RAPGEF2: variants seen among roughly 807,000 people sequenced by gnomAD.
The protein encoded by RAPGEF2 is Rap guanine nucleotide exchange factor 2, also known as PDZ domain containing guanine nucleotide exchange factor (GEF) 1.
In RAPGEF2, 54 loss-of-function variants were observed where a neutral mutation model predicts 186.7. The observed-to-expected ratio is 0.29, with a 90% CI of 0.23 to 0.36. RAPGEF2 has a LOEUF of 0.36. RAPGEF2 is among the 10% of genes least tolerant of loss of function. The pLI is 1.00. For synonymous variants in RAPGEF2, 712 were observed against 705.9 expected (o/e 1.01, Z -0.14); for missense variants, 1,532 against 2,045.0 (o/e 0.75, Z 4.84).
rs763172475 is a variant in RAPGEF2 at position 159,267,217 on chromosome 4, G to A, written c.543+23426G>A. The A allele has an allele frequency of 8.5e-6, 11 of 1,288,992 alleles. No individual in the cohort carries two copies. The South Asian group carries it at 1.2e-4, about 14-fold the overall frequency. 79.8% of individuals were successfully genotyped at this position (1,288,992 alleles called of 1,614,324 possible). On this transcript the variant is annotated intron_variant, in intron 7 of 29. Coordinates refer to ENST00000691494, the MANE Select transcript of RAPGEF2 (RefSeq NM_001394067.2). ...AGCAATGCCGTTTGTTTCCTAAGAG[G>A]AATTTTTTATTTAGAAAAGGAAGCT...
At chr4:159,317,973 T>C (rs1374303284) in intron 9 of RAPGEF2, among the ~76,000 whole-genome samples, 1 of 152,110 alleles carries the variant, frequency 6.6e-6, no homozygotes, top group Non-Finnish European at 1.5e-5. Context: ...AGACTTTCAG[T>C]TGATAGCTGA....
In RAPGEF2 at chr4:159,210,721, A is replaced by G. The variant is rs141734553; in HGVS notation, c.281+138A>G. On this transcript the variant is annotated intron_variant, in intron 4 of 29. Transcript: ENST00000691494. Reference sequence around the variant, plus strand: ...AGACAGTACTTTGGGGTGTTGATGCATGAATCTTTAAGAAATAACTTTGTT... The same window carrying G: ...AGACAGTACTTTGGGGTGTTGATGCGTGAATCTTTAAGAAATAACTTTGTT... 4.7e-3 allele frequency: 2,779 copies of G among 596,544 alleles called. 62 individuals carry two copies. In the African/African-American group the frequency reaches 0.047, roughly 10 times the overall value. The allele number at this position is 596,544 out of a possible 1,614,324, so 37.0% of individuals were successfully genotyped here.
intron 4 of RAPGEF2, among the ~76,000 whole-genome samples, chr4:159,231,679 A>T (rs1324222827): frequency 6.6e-6 from 1 of 152,134 alleles, no homozygotes; most frequent in African/African-American, 2.4e-5. Flanking sequence ...AAAACTTGAA[A>T]TTTTTTGAGC....
intron 1 of RAPGEF2, among the ~76,000 whole-genome samples, chr4:159,177,487 C>T (rs911873199): frequency 6.6e-6 from 1 of 152,160 alleles, no homozygotes; most frequent in Admixed American, 6.5e-5. Flanking sequence ...AATATGGTCT[C>T]ACTAACAAAC....
intron 17 of RAPGEF2, 102 bp from the exon 18 acceptor site, chr4:159,338,209 A>C (rs1767742439): frequency 9.6e-6 from 7 of 729,994 alleles, no homozygotes; most frequent in South Asian, 7.7e-5. Flanking sequence ...CATGAGCTGC[A>C]AAAAAAAAAT....
intron 5 of RAPGEF2, 109 bp downstream of exon 5, chr4:159,238,993 T>A: frequency 3.4e-5 from 18 of 533,374 alleles, no homozygotes; most frequent in Non-Finnish European, 5.1e-5. Context: ...GAAAATATTG[T>A]ATATTTTCTA....
At chr4:159,221,337 A>T (rs1202451379) in intron 4 of RAPGEF2, among the ~76,000 whole-genome samples, 1 of 152,220 alleles carries the variant, frequency 6.6e-6, no homozygotes, top group East Asian at 1.9e-4. Context: ...ATGGCTGCCA[A>T]ACCCCAGCCA....
At chr4:159,343,962 T>G in intron 22 of RAPGEF2, 74 bp from the exon 23 acceptor site, 1 of 1,475,872 alleles carries the variant, frequency 6.8e-7, no homozygotes, top group South Asian at 1.1e-5. Flanking sequence ...GTCTAGTCCT[T>G]TCTTTCTGAG....
chr4:159,207,938 G>A (rs1750145011), intron 3 of RAPGEF2, among the ~76,000 whole-genome samples: 1 of 152,148 alleles, frequency 6.6e-6, no homozygotes, highest in Non-Finnish European at 1.5e-5. Context: ...AATGATTGCT[G>A]GTTGCAAGAG....
chr4:159,213,094 C>T (rs899574421), intron 4 of RAPGEF2, among the ~76,000 whole-genome samples: 5 of 152,158 alleles, frequency 3.3e-5, no homozygotes, highest in African/African-American at 7.2e-5. Context: ...GCGGTTCCGA[C>T]GGAATGACAA....
Position 159,324,307 on chromosome 4 carries a change from C to T in RAPGEF2, c.1149+690C>T, listed in dbSNP as rs188902041. ...CCTCCCAAAGTGCTGGGATTACAGG[C>T]GTGAGCCACCATGCCTGGCACCAAT... is the stretch of plus-strand genomic sequence containing the variant. On this transcript the variant is annotated intron_variant, in intron 11 of 29. Transcript: ENST00000691494. Among the ~76,000 whole-genome samples, 473 of 152,144 alleles carry T rather than the reference C, an allele frequency of 3.1e-3. 1 individual carries two copies. The highest frequency in any genetic ancestry group is 0.011 in the African/African-American group (441 of 41,516).
chr4:159,129,534 A>G (rs1242735673), intron 1 of RAPGEF2, among the ~76,000 whole-genome samples: 1 of 152,244 alleles, frequency 6.6e-6, no homozygotes, highest in Non-Finnish European at 1.5e-5. Context: ...CATCAACCTT[A>G]TAAAGCATGA....
chr4:159,144,428 T>C (rs966141370), intron 1 of RAPGEF2, among the ~76,000 whole-genome samples: 4 of 152,238 alleles, frequency 2.6e-5, no homozygotes, highest in African/African-American at 7.2e-5. Flanking sequence ...TCCTGTCCTT[T>C]CTGTGGTATT....
At chr4:159,125,742 A>T (rs1740223720) in intron 1 of RAPGEF2, among the ~76,000 whole-genome samples, 1 of 148,616 alleles carries the variant, frequency 6.7e-6, no homozygotes, top group Non-Finnish European at 1.5e-5. Context: ...TGGGCGACAG[A>T]GTGAGAATCT....
intron 1 of RAPGEF2, among the ~76,000 whole-genome samples, chr4:159,122,502 A>G (rs1386872290): frequency 6.6e-6 from 1 of 152,172 alleles, no homozygotes; most frequent in African/African-American, 2.4e-5. Flanking sequence ...GTTAAAATTT[A>G]TCAAAACTTA....
Position 159,171,841 on chromosome 4 carries a change from G to A in RAPGEF2, c.70-14801G>A, listed in dbSNP as rs190309364. Among the ~76,000 whole-genome samples, 331 of 152,228 alleles carry A rather than the reference G, an allele frequency of 2.2e-3. 2 individuals carry two copies. Among genetic ancestry groups the A allele is most frequent in the African/African-American group, 7.4e-3 (306 of 41,542 alleles). On this transcript the variant is annotated intron_variant, in intron 1 of 29. Transcript: ENST00000691494. ...CACTCAGTAAGATTGCTTTAGGTAG[G>A]TGTCAGAGACAAGTGTCCCAAGTTT...
Position 159,352,780 on chromosome 4 carries a change from T to C in RAPGEF2, c.3961T>C (p.Phe1321Leu), listed in dbSNP as rs750983873. 4 of 1,614,196 alleles carry C rather than the reference T, an allele frequency of 2.5e-6. No individual in the cohort carries two copies. The highest frequency in any genetic ancestry group is 3.4e-6 in the Non-Finnish European group (4 of 1,180,030). ...SRSSIVSNSSFDSVPVSLHDE... is the reference protein window; with the variant it reads ...SRSSIVSNSSLDSVPVSLHDE... ...ATCCAGTATTGTTAGCAATTCGTCTTTTGACTCAGTGCCAGTCTCACTGCA... is the reference window on the plus strand; with the variant it reads ...ATCCAGTATTGTTAGCAATTCGTCTCTTGACTCAGTGCCAGTCTCACTGCA... Residue 1321 changes from phenylalanine to leucine, a missense_variant, in exon 27 of 30, where the codon TTT (phenylalanine) becomes CTT (leucine). Physicochemically the swap from Phe to Leu is conservative, Grantham distance 22. Transcript: ENST00000691494.
intron 7 of RAPGEF2, among the ~76,000 whole-genome samples, chr4:159,278,440 A>G (rs930872086): frequency 5.9e-5 from 9 of 152,212 alleles, no homozygotes; most frequent in African/African-American, 2.2e-4. Context: ...GTACTGAAAT[A>G]TATTGAAATA....
intron 7 of RAPGEF2, among the ~76,000 whole-genome samples, chr4:159,299,025 G>A (rs773870293): frequency 2.7e-4 from 41 of 152,072 alleles, no homozygotes; most frequent in Non-Finnish European, 4.4e-4. Flanking sequence ...ATATGTCTAG[G>A]AATATACTTA....
Sources: gnomAD v4.1 joint callset for allele counts (sites outside exome capture counted in the v4.1 genomes callset) on GRCh38, gnomAD v4.1.1 for gene constraint, MANE v1.5 for transcripts, NCBI Gene and HGNC (gene_info 2026-07-23, HGNC 2026-07-21) for gene names.